DNAH1: variants seen among roughly 807,000 people sequenced by gnomAD.
DNAH1 encodes the protein axonemal beta dynein heavy chain 1.
Under a neutral mutation model 484.3 loss-of-function variants are expected in DNAH1, and 327 were observed. The ratio of observed to expected loss-of-function variants is 0.68; its 90% CI spans 0.62 to 0.74. DNAH1 has a LOEUF of 0.74. Ranked by LOEUF, DNAH1 falls within the 30% of genes least tolerant of loss-of-function variation. DNAH1 has a pLI of 0.00. For synonymous variants in DNAH1, 2,192 were observed against 2,191.9 expected, an observed-to-expected ratio of 1.00 and a Z score of 0.00; for missense variants, 5,052 against 5,546.8, an observed-to-expected ratio of 0.91 and a Z score of 2.83.
chr3:52,384,916 T>A lies in DNAH1; in HGVS notation c.8453T>A (p.Ile2818Asn), dbSNP rs1380599171. The change falls in exon 53 of 78, where the codon ATC (isoleucine) becomes AAC (asparagine). Residue 2818 changes from isoleucine to asparagine, a missense_variant. By Grantham distance (149) the Ile-to-Asn change is moderately radical. Around this residue, in one of 4 missense-constraint regions of DNAH1, gnomAD observed 2,929 missense variants for 3,409.4 expected, o/e 0.86. Transcript: ENST00000420323. ...CTGCTTCATATTTTCTCCATCCTCA[T>A]CGGGCAGAAGAAACTGGAGCTGAAA... The part of the protein sequence containing the change: ...LELLHIFSIL[I>N]GQKKLELKTA... 6.2e-7 allele frequency: 1 copy of A among 1,613,622 alleles called. No individual in the cohort carries two copies. The highest frequency in any genetic ancestry group is 1.7e-4 in the Middle Eastern group (1 of 6,058).
rs779666158 is a variant in DNAH1 at position 52,361,208 on chromosome 3, G to T, written c.4730G>T (p.Gly1577Val). Reference sequence around the variant, plus strand: ...GGAGCTCTGCACCTCAAGTTTGGGGGTGCCCCAGCTGGCCCAGCTGGCACA... The same window carrying T: ...GGAGCTCTGCACCTCAAGTTTGGGGTTGCCCCAGCTGGCCCAGCTGGCACA... ...LTGALHLKFG[G>V]APAGPAGTGK... Residue 1577 changes from glycine (G) to valine (V), a missense_variant, in exon 29 of 78, where the codon GGT becomes GTT. Gly to Val is a moderately radical substitution (Grantham distance 109, BLOSUM62 -3). Coordinates refer to ENST00000420323, the MANE Select transcript of DNAH1 (RefSeq NM_015512.5). This position sits in a 1 kb window ranked among gnomAD's most constrained non-coding sequence, Gnocchi z 5.6. 3.7e-6 allele frequency: 6 copies of T among 1,612,156 alleles called. No homozygotes were observed. The African/African-American group carries it at 4.0e-5, about 11-fold the overall frequency.
Position 52,358,602 on chromosome 3 carries a change from C to T in DNAH1, c.4131C>T (p.Ala1377=), listed in dbSNP as rs369871374. The change falls in exon 25 of 78, where the codon GCC becomes GCT. Residue 1377 remains alanine, a synonymous_variant. Coordinates refer to ENST00000420323, the MANE Select transcript of DNAH1 (RefSeq NM_015512.5). The surrounding 1 kb of genome is among the most constrained non-coding windows in gnomAD (Gnocchi z 4.2). ...TGGAGATCACGCACATGTACTCAGCCGAGGGGGAGGAGGTACAGTTGTGCT... is the reference window on the plus strand; with the variant it reads ...TGGAGATCACGCACATGTACTCAGCTGAGGGGGAGGAGGTACAGTTGTGCT... ...EDLEITHMYS[A]EGEEVQLCFS... 331 of 1,612,956 alleles carry T rather than the reference C, an allele frequency of 2.1e-4. No homozygotes were observed. Among genetic ancestry groups the T allele is most frequent in the East Asian group, 4.9e-4 (22 of 44,852 alleles).
At chr3:52,367,480 C>G (rs929573310) in intron 36 of DNAH1, among the ~76,000 whole-genome samples, 1 of 152,084 alleles carries the variant, frequency 6.6e-6, no homozygotes, top group African/African-American at 2.4e-5. Flanking sequence ...AAGATTCTCC[C>G]CCATATCCAC....
chr3:52,358,807 C>G lies in DNAH1; in HGVS notation c.4266+70C>G. ...CTGCTCCCTCTCAGTGCCCCTCCTG[C>G]TCTAGCCGGCCTCGTCCTCAGGCTG... On this transcript the variant is annotated intron_variant, in intron 25 of 77. Transcript: ENST00000420323. The surrounding 1 kb of genome is among the most constrained non-coding windows in gnomAD (Gnocchi z 4.2). 1.3e-6 allele frequency: 2 copies of G among 1,574,752 alleles called. No homozygotes were observed. Among genetic ancestry groups the G allele is most frequent in the Non-Finnish European group, 1.7e-6 (2 of 1,159,428 alleles).
chr3:52,357,781 A>G (rs568165242), intron 23 of DNAH1, 46 bp downstream of exon 23: 1 of 1,573,042 alleles, frequency 6.4e-7, no homozygotes, highest in Non-Finnish European at 8.6e-7. Flanking sequence ...TCTGCCCACA[A>G]GGCTGAGGTG....
rs777892944 is a variant in DNAH1, at chr3:52,397,747, T to C, written c.11828T>C (p.Met3943Thr). The C allele has an allele frequency of 6.8e-6, 11 of 1,613,372 alleles. No homozygotes were observed. The highest frequency in any genetic ancestry group is 1.6e-4 in the Middle Eastern group (1 of 6,082). ...ATCAAGAGCCTCCCACTCAATGATATGCCTGAGATCTTTGGCCTGCATGAC... is the reference window on the plus strand; with the variant it reads ...ATCAAGAGCCTCCCACTCAATGATACGCCTGAGATCTTTGGCCTGCATGAC... ...SYIKSLPLND[M>T]PEIFGLHDNA... The change falls in exon 74 of 78, where the codon ATG becomes ACG. Residue 3943 changes from methionine (M) to threonine (T), a missense_variant. This residue lies in a region of DNAH1 where 853 missense variants were observed against 899.0 expected (regional missense o/e 0.95). Coordinates refer to ENST00000420323, the MANE Select transcript of DNAH1 (RefSeq NM_015512.5).
chr3:52,362,543 T>G lies in DNAH1; in HGVS notation c.5094+42T>G. ...AGTGGCCCAGGAAGCACCAGAGCTC[T>G]AGCCTGAGTTCAGAGATGCTAAGCC... On this transcript the variant is annotated intron_variant, in intron 31 of 77. Transcript: ENST00000420323. The surrounding 1 kb of genome is among the most constrained non-coding windows in gnomAD (Gnocchi z 5.1). The G allele has an allele frequency of 1.6e-5, 25 of 1,549,148 alleles. No homozygotes were observed. Among genetic ancestry groups the G allele is most frequent in the East Asian group, 2.3e-5 (1 of 43,682 alleles).
At chr3:52,383,320 G>C in intron 50 of DNAH1, 66 bp from the exon 51 acceptor site, 1 of 1,437,930 alleles carries the variant, frequency 7.0e-7, no homozygotes, top group Non-Finnish European at 9.7e-7. Context: ...TGAAGGTCCA[G>C]CGAGACTGTG....
chr3:52,366,650 A>G, intron 35 of DNAH1, 83 bp from the exon 36 acceptor site: 4 of 1,557,150 alleles, frequency 2.6e-6, no homozygotes, highest in Non-Finnish European at 3.5e-6. Flanking sequence ...TTGGCATAGA[A>G]TACCCCTCCC....
In DNAH1 at chr3:52,365,034, C is replaced by T; in HGVS notation, c.5518+15C>T. The T allele has an allele frequency of 6.3e-7, 1 of 1,597,588 alleles. No individual in the cohort carries two copies. ...GGATGTGGAGGGTGAGCCTCGGGCC[C>T]TGAGTGTTCGTGGAGGGGCTGGCCA... is the stretch of plus-strand genomic sequence containing the variant. On this transcript the variant is annotated intron_variant, in intron 34 of 77. Transcript: ENST00000420323.
chr3:52,358,070 C>A lies in DNAH1; in HGVS notation c.4086+67C>A. 4.1e-6 allele frequency: 5 copies of A among 1,230,566 alleles called. No individual in the cohort carries two copies. The highest frequency in any genetic ancestry group is 4.5e-6 in the Non-Finnish European group (4 of 883,384). The allele number at this position is 1,230,566 out of a possible 1,614,324, so 76.2% of individuals were successfully genotyped here. A position where few individuals can be genotyped will look rare whatever the true frequency, so the allele number is the denominator to read the frequency against. On this transcript the variant is annotated intron_variant, in intron 24 of 77. Coordinates refer to ENST00000420323, the MANE Select transcript of DNAH1 (RefSeq NM_015512.5). The surrounding 1 kb of genome is among the most constrained non-coding windows in gnomAD (Gnocchi z 4.2). The stretch of plus-strand genomic sequence containing the variant: ...CATCTTCCCAGGGAGAACGTCCCTC[C>A]CTTTGTGATGAGCCCTTTTAGCAGG...
chr3:52,373,670 T>A, intron 44 of DNAH1: 1 of 1,398,532 alleles, frequency 7.2e-7, no homozygotes, highest in East Asian at 2.3e-5. Context: ...CTCCTGCTGA[T>A]CAAAAGAAGT....
intron 8 of DNAH1, among the ~76,000 whole-genome samples, chr3:52,336,993 G>C (rs781595376): frequency 6.6e-6 from 1 of 152,174 alleles, no homozygotes; most frequent in African/African-American, 2.4e-5. Context: ...GATGGGAATT[G>C]TGTTGAATCT....
intron 36 of DNAH1, 71 bp downstream of exon 36, chr3:52,366,958 C>T (rs1312405266): frequency 9.8e-5 from 150 of 1,528,282 alleles, no homozygotes; most frequent in Non-Finnish European, 1.3e-4. Flanking sequence ...CTGCGGTCAC[C>T]CCTCCCTCCA....
At chr3:52,399,831 C>T in intron 77 of DNAH1, 52 bp downstream of exon 77, 1 of 1,543,790 alleles carries the variant, frequency 6.5e-7, no homozygotes, top group Non-Finnish European at 8.9e-7. Context: ...CCAGGACTAA[C>T]CCAGCCCAGC....
intron 75 of DNAH1, among the ~76,000 whole-genome samples, chr3:52,398,376 G>C (rs1298822971): frequency 2.0e-5 from 3 of 152,126 alleles, no homozygotes; most frequent in African/African-American, 7.2e-5. Flanking sequence ...CCACCTCCCG[G>C]GTTCAAGCGA....
In DNAH1 at chr3:52,378,751, A is replaced by T. The variant is rs182983770; in HGVS notation, c.7348A>T (p.Met2450Leu). 6.2e-7 allele frequency: 1 copy of T among 1,613,716 alleles called. No individual in the cohort carries two copies. The highest frequency in any genetic ancestry group is 8.5e-7 in the Non-Finnish European group (1 of 1,179,856). The change falls in exon 47 of 78, where the codon ATG (methionine) becomes TTG (leucine). Residue 2450 changes from methionine (M) to leucine (L), a missense_variant. This residue lies in a region of DNAH1 where 2,929 missense variants were observed against 3,409.4 expected (regional missense o/e 0.86). Coordinates refer to ENST00000420323, the MANE Select transcript of DNAH1 (RefSeq NM_015512.5). ...LRDLSKVFQG[M>L]LMADPAKVED... The stretch of plus-strand genomic sequence containing the variant: ...GGACCTCTCCAAGGTCTTCCAAGGC[A>T]TGCTCATGGCTGACCCGGCCAAGGT...
Position 52,353,632 on chromosome 3 carries a change from AG to A in DNAH1, c.3480+1del. 6.3e-7 allele frequency: 1 copy of A among 1,578,634 alleles called. No individual in the cohort carries two copies. Among genetic ancestry groups the A allele is most frequent in the Non-Finnish European group, 8.6e-7 (1 of 1,164,620 alleles). On this transcript the variant is annotated frameshift_variant and splice_region_variant, in exon 20 of 78. Transcript: ENST00000420323. LOFTEE classifies it high-confidence loss of function. The surrounding 1 kb of genome is among the most constrained non-coding windows in gnomAD (Gnocchi z 5.0). ...GCTGGCAAGGAGTACGCCATCGAGCAGGTGGGTAGCCACCAGCGGGCCCAGC... is the reference window on the plus strand; with the variant it reads ...GCTGGCAAGGAGTACGCCATCGAGCAGTGGGTAGCCACCAGCGGGCCCAGC... ...EVAGKEYAIE[Q>X]ALDKMEKEWS...
At position 52,384,816 on chromosome 3, in the gene DNAH1, G is replaced by A. The variant is rs1276242008; in HGVS notation, c.8353G>A (p.Val2785Met). 1.2e-6 allele frequency: 2 copies of A among 1,606,678 alleles called. No homozygotes were observed. The highest frequency in any genetic ancestry group is 1.7e-6 in the Non-Finnish European group (2 of 1,176,520). The change falls in exon 53 of 78, where the codon GTG (valine) becomes ATG (methionine). Residue 2785 changes from valine to methionine, a missense_variant. Coordinates refer to ENST00000420323, the MANE Select transcript of DNAH1 (RefSeq NM_015512.5). ...IQVCVYIHQS[V>M]SKKCIEYLAE... The stretch of plus-strand genomic sequence containing the variant: ...GGTCTGTGTGTACATCCACCAGTCG[G>A]TGTCCAAGAAGTGCATCGAGTACCT...
Sources: allele counts gnomAD v4.1 joint callset (sites outside exome capture counted in the v4.1 genomes callset), GRCh38; gene constraint gnomAD v4.1.1; regional missense constraint gnomAD v4.1.1; non-coding constraint Gnocchi (gnomAD v3.1); transcripts MANE v1.5; gene names NCBI Gene and HGNC (gene_info 2026-07-23, HGNC 2026-07-21).